Variants in DENND1B observed in about 807,000 individuals in gnomAD.
DENND1B encodes DENN domain containing 1B, also known as DENN domain-containing protein 1B.
A neutral mutation model predicts 90.1 loss-of-function variants in DENND1B; 59 were observed. The observed-to-expected ratio is 0.65, with a 90% CI of 0.53 to 0.81. The LOEUF is 0.81. Ranked by LOEUF, DENND1B falls within the 40% of genes least tolerant of loss-of-function variation. The pLI, the probability that DENND1B is intolerant of heterozygous loss-of-function variation, is 0.00. For synonymous variants in DENND1B, 337 were observed against 324.6 expected, an observed-to-expected ratio of 1.04 and a Z score of -0.41; for missense variants, 862 against 912.6, an observed-to-expected ratio of 0.94 and a Z score of 0.71.
chr1:197,558,876 AAC>A (rs566776035), intron 15 of DENND1B, among the ~76,000 whole-genome samples: 69 of 152,078 alleles, frequency 4.5e-4, no homozygotes, highest in South Asian at 3.9e-3. Flanking sequence ...AATGAAAATT[AAC>A]ATTCACTATT....
chr1:197,505,362 A>G lies in DENND1B; in HGVS notation c.*5098T>C, dbSNP rs1667681099. On this transcript the variant is annotated 3_prime_UTR_variant, in exon 23 of 23. Transcript: ENST00000620048. ...AACCAAAGTGTAGATTTGATAATGG[A>G]CCTCAACAAGGCTCACATTTGAGAA... 6.6e-6 allele frequency: 1 copy of G among 151,364 alleles called. No individual in the cohort carries two copies. The highest frequency in any genetic ancestry group is 2.4e-5 in the African/African-American group (1 of 41,252). 9.4% of individuals were successfully genotyped at this position (151,364 alleles called of 1,614,324 possible). A position where few individuals can be genotyped will look rare whatever the true frequency, so the allele number is the denominator to read the frequency against.
intron 15 of DENND1B, among the ~76,000 whole-genome samples, chr1:197,556,377 A>G (rs901941480): frequency 4.6e-5 from 7 of 152,044 alleles, no homozygotes; most frequent in Non-Finnish European, 8.8e-5. Flanking sequence ...GGAAACAACT[A>G]TTAATGGAAA....
intron 2 of DENND1B, among the ~76,000 whole-genome samples, chr1:197,717,858 A>G (rs1660788678): frequency 6.6e-6 from 1 of 152,008 alleles, no homozygotes; most frequent in Non-Finnish European, 1.5e-5. Flanking sequence ...ATTTGCACAA[A>G]AGGATAATAT....
At chr1:197,688,974 C>CCA in intron 3 of DENND1B, 1 of 215,518 alleles carries the variant, frequency 4.6e-6, no homozygotes, top group Non-Finnish European at 9.9e-6. Context: ...CATGGTATCA[C>CCA]CACTGATATC....
intron 20 of DENND1B, among the ~76,000 whole-genome samples, chr1:197,514,622 C>T (rs1421836186): frequency 6.6e-6 from 1 of 151,488 alleles, no homozygotes; most frequent in African/African-American, 2.4e-5. Flanking sequence ...TAAGATTGGC[C>T]ATGAGTTGAT....
chr1:197,514,128 T>C (rs923229039), intron 20 of DENND1B, among the ~76,000 whole-genome samples: 1 of 151,718 alleles, frequency 6.6e-6, no homozygotes, highest in Non-Finnish European at 1.5e-5. Flanking sequence ...CATTCCATGA[T>C]AACGACTGGC....
intron 3 of DENND1B, among the ~76,000 whole-genome samples, chr1:197,707,673 A>AATAAT (rs567297586): frequency 1.0e-3 from 149 of 145,630 alleles, no homozygotes; most frequent in African/African-American, 2.2e-3. Context: ...TATATAATAT[A>AATAAT]ATAATATAAT....
intron 5 of DENND1B, among the ~76,000 whole-genome samples, chr1:197,658,968 C>A (rs1183881150): frequency 1.3e-5 from 2 of 150,460 alleles, no homozygotes; most frequent in African/African-American, 2.4e-5. Context: ...TTTATGATAG[C>A]AAAATATTAA....
intron 9 of DENND1B, among the ~76,000 whole-genome samples, chr1:197,644,758 A>C (rs41340645): frequency 0.018 from 2,797 of 152,268 alleles, 82 homozygotes; most frequent in African/African-American, 0.063. Flanking sequence ...AAAATTTACT[A>C]TTGGCTTCTT....
intron 2 of DENND1B, among the ~76,000 whole-genome samples, chr1:197,737,134 A>G (rs946628128): frequency 6.6e-6 from 1 of 152,202 alleles, no homozygotes; most frequent in African/African-American, 2.4e-5. Flanking sequence ...GGCATATCAG[A>G]GACACTGCTC....
intron 2 of DENND1B, among the ~76,000 whole-genome samples, chr1:197,741,546 T>C (rs865838469): frequency 3.3e-4 from 50 of 152,258 alleles, no homozygotes; most frequent in African/African-American, 1.1e-3. Context: ...AATTATCAAA[T>C]TGACAATTTA....
chr1:197,528,158 A>C (rs760155076), intron 20 of DENND1B, among the ~76,000 whole-genome samples: 1 of 152,186 alleles, frequency 6.6e-6, no homozygotes, highest in Non-Finnish European at 1.5e-5. Context: ...TTCTTTTCTT[A>C]TAAGTTTCAC....
intron 6 of DENND1B, among the ~76,000 whole-genome samples, chr1:197,656,769 C>T (rs1342441791): frequency 7.9e-5 from 12 of 151,546 alleles, no homozygotes; most frequent in Non-Finnish European, 1.8e-4. Flanking sequence ...TACCACAGTG[C>T]TCCACCTCTG....
chr1:197,662,807 A>G (rs1317756352), intron 5 of DENND1B, among the ~76,000 whole-genome samples: 2 of 152,056 alleles, frequency 1.3e-5, no homozygotes, highest in Non-Finnish European at 2.9e-5. Context: ...CAGCCTGCCT[A>G]TATGTCCTAT....
intron 3 of DENND1B, among the ~76,000 whole-genome samples, chr1:197,697,825 G>T (rs1010979967): frequency 2.0e-5 from 3 of 151,612 alleles, no homozygotes; most frequent in African/African-American, 4.8e-5. Context: ...ACAAAGAAGG[G>T]CATTACATAA....
intron 15 of DENND1B, among the ~76,000 whole-genome samples, chr1:197,575,694 A>G (rs1375152395): frequency 1.3e-5 from 2 of 152,224 alleles, no homozygotes; most frequent in African/African-American, 4.8e-5. Flanking sequence ...AATGTCCATC[A>G]ATGATAGACT....
At chr1:197,563,332 C>T (rs1037951460) in intron 15 of DENND1B, among the ~76,000 whole-genome samples, 2 of 151,918 alleles carry the variant, frequency 1.3e-5, no homozygotes, top group South Asian at 2.1e-4. Flanking sequence ...TCCAGTTAGG[C>T]GATAATGCAG....
chr1:197,570,713 C>A (rs983439608), intron 15 of DENND1B, among the ~76,000 whole-genome samples: 6 of 152,074 alleles, frequency 3.9e-5, no homozygotes, highest in Non-Finnish European at 8.8e-5. Flanking sequence ...CTCCCTATGT[C>A]CCTAATCTTA....
Position 197,510,214 on chromosome 1 carries a change from C to T in DENND1B, c.*246G>A, listed in dbSNP as rs930521496. 3 of 464,758 alleles carry T rather than the reference C, an allele frequency of 6.5e-6. No individual in the cohort carries two copies. The highest frequency in any genetic ancestry group is 1.2e-3 in the Middle Eastern group (2 of 1,726). 28.8% of individuals were successfully genotyped at this position (464,758 alleles called of 1,614,324 possible). A position where few individuals can be genotyped will look rare whatever the true frequency, so the allele number is the denominator to read the frequency against. On this transcript the variant is annotated 3_prime_UTR_variant, in exon 23 of 23. Transcript: ENST00000620048. The stretch of plus-strand genomic sequence containing the variant: ...CATTAAGCACCAAACACTGGGAAAT[C>T]TCATGGTCAATACATACTTTAAACA...
Sources: allele counts gnomAD v4.1 joint callset (sites outside exome capture counted in the v4.1 genomes callset), GRCh38; gene constraint gnomAD v4.1.1; transcripts MANE v1.5; gene names NCBI Gene and HGNC (gene_info 2026-07-23, HGNC 2026-07-21).